DISC1: variants seen among roughly 807,000 people sequenced by gnomAD.
The protein encoded by DISC1 is disrupted in schizophrenia 1 protein.
In DISC1, 57 loss-of-function variants were observed where a neutral mutation model predicts 84.5. That is an observed-to-expected ratio of 0.67 (90% CI 0.55 to 0.84). The LOEUF is 0.84. Among genes scored for constraint, DISC1 ranks in the 40% least tolerant of loss-of-function variants. DISC1 has a pLI of 0.00. For missense variants in DISC1, 1,000 were observed against 1,057.8 expected (o/e 0.95, Z 0.76); for synonymous variants, 411 against 415.2 (o/e 0.99, Z 0.12).
intron 4 of DISC1, 122 bp downstream of exon 4, chr1:231,750,198 G>C: frequency 6.8e-7 from 1 of 1,463,586 alleles, no homozygotes; most frequent in Non-Finnish European, 9.0e-7. Context: ...CCTGGGAAGG[G>C]CCCTTTGTTG....
At chr1:231,659,835 G>A (rs1236176367) in intron 1 of DISC1, among the ~76,000 whole-genome samples, 1 of 152,210 alleles carries the variant, frequency 6.6e-6, no homozygotes, top group African/African-American at 2.4e-5. Flanking sequence ...GCTGTGGTCT[G>A]AGAGACTGTT....
intron 9 of DISC1, among the ~76,000 whole-genome samples, chr1:231,877,157 T>C (rs7522155): frequency 0.11 from 16,679 of 152,296 alleles, 1,107 homozygotes; most frequent in East Asian, 0.32. Flanking sequence ...CCATTTCTTA[T>C]CAAGAGCTCT....
chr1:231,721,144 G>T (rs2069625352), intron 3 of DISC1: 1 of 1,257,278 alleles, frequency 8.0e-7, no homozygotes, highest in African/African-American at 1.5e-5. Context: ...TACCTACCTT[G>T]CTGGGCTGAT....
At chr1:231,832,289 C>T (rs1379678297) in intron 9 of DISC1, among the ~76,000 whole-genome samples, 3 of 151,482 alleles carry the variant, frequency 2.0e-5, no homozygotes, top group South Asian at 4.2e-4. Flanking sequence ...CAGCGGCAGC[C>T]GCTGCACGCA....
rs144873983 is a variant in DISC1 at position 231,717,727 on chromosome 1, T to C, written c.1117+15703T>C. On this transcript the variant is annotated intron_variant, in intron 3 of 12. Coordinates refer to ENST00000439617, the MANE Select transcript of DISC1 (RefSeq NM_018662.3). ...CACCATTCAATAATTCTATGTGTTGTATGAACGCATCAGACAATTCCACAA... is the reference window on the plus strand; with the variant it reads ...CACCATTCAATAATTCTATGTGTTGCATGAACGCATCAGACAATTCCACAA... Among the ~76,000 whole-genome samples, 381 of 152,306 alleles carry C rather than the reference T, an allele frequency of 2.5e-3. 1 individual carries two copies. Among genetic ancestry groups the C allele is most frequent in the African/African-American group, 8.7e-3 (360 of 41,558 alleles).
chr1:232,030,037 A>T (rs1008762844), intron 12 of DISC1, among the ~76,000 whole-genome samples: 3 of 152,212 alleles, frequency 2.0e-5, no homozygotes, highest in Admixed American at 1.3e-4. Context: ...ACACAAACCC[A>T]TCAGCTACTG....
At chr1:232,001,015 A>G (rs1450286464) in intron 10 of DISC1, among the ~76,000 whole-genome samples, 1 of 152,218 alleles carries the variant, frequency 6.6e-6, no homozygotes, top group African/African-American at 2.4e-5. Flanking sequence ...CATGTGTTTT[A>G]TGTATTGTAT....
At chr1:232,033,605 G>T (rs1201822305) in intron 12 of DISC1, among the ~76,000 whole-genome samples, 1 of 152,174 alleles carries the variant, frequency 6.6e-6, no homozygotes, top group Non-Finnish European at 1.5e-5. Context: ...ATCTATGATG[G>T]CAGTGACTTT....
chr1:231,715,946 G>A (rs957730523), intron 3 of DISC1, among the ~76,000 whole-genome samples: 1 of 152,106 alleles, frequency 6.6e-6, no homozygotes, highest in Non-Finnish European at 1.5e-5. Flanking sequence ...GTGTGGCCAC[G>A]CAGCACACTT....
In DISC1 at chr1:231,750,011, TAGC is replaced by T; in HGVS notation, c.1206_1208del (p.Ser403del). 6.2e-7 allele frequency: 1 copy of T among 1,614,244 alleles called. No homozygotes were observed. Among genetic ancestry groups the T allele is most frequent in the East Asian group, 2.2e-5 (1 of 44,882 alleles). On this transcript the variant is annotated inframe_deletion, in exon 4 of 13. Coordinates refer to ENST00000439617, the MANE Select transcript of DISC1 (RefSeq NM_018662.3). ...AACTTCCTTCAAGGCAGCCAGCTCT[TAGC>T]AGTTTCCTGGGTCACCTGGCAGCAC...
At chr1:231,943,299 C>T (rs1439569389) in intron 9 of DISC1, among the ~76,000 whole-genome samples, 2 of 152,222 alleles carry the variant, frequency 1.3e-5, no homozygotes, top group Non-Finnish European at 2.9e-5. Context: ...GGCCACATGG[C>T]GATGCACCAG....
chr1:232,012,932 CT>C (rs1004704059), intron 11 of DISC1, among the ~76,000 whole-genome samples: 3 of 152,142 alleles, frequency 2.0e-5, no homozygotes, highest in African/African-American at 7.2e-5. Flanking sequence ...TGTAAGAGCC[CT>C]TTTCTTTTCC....
Position 231,790,500 on chromosome 1 carries a change from C to T in DISC1, c.1635-4742C>T, listed in dbSNP as rs540311028. ...TCTTCCCTCCACATGTGTCTGTCTC[C>T]GCATCTCTTCTTTTCTTTTCTTTTC... On this transcript the variant is annotated intron_variant, in intron 6 of 12. Coordinates refer to ENST00000439617, the MANE Select transcript of DISC1 (RefSeq NM_018662.3). Among the ~76,000 whole-genome samples, 23 of 151,888 alleles carry T rather than the reference C, an allele frequency of 1.5e-4. No individual in the cohort carries two copies. In the East Asian group the frequency reaches 2.5e-3, roughly 17 times the overall value.
intron 9 of DISC1, among the ~76,000 whole-genome samples, chr1:231,873,929 A>T (rs1476371203): frequency 1.3e-5 from 2 of 151,986 alleles, no homozygotes; most frequent in Non-Finnish European, 2.9e-5. Flanking sequence ...GCTCACTGCA[A>T]CCTCTGCCTC....
At chr1:232,000,358 G>A (rs192930672) in intron 10 of DISC1, among the ~76,000 whole-genome samples, 1 of 152,300 alleles carries the variant, frequency 6.6e-6, no homozygotes, top group African/African-American at 2.4e-5. Context: ...ATGGAGAATA[G>A]ATTCAGTGAA....
At chr1:231,693,403 G>A (rs2065277452) in intron 1 of DISC1, among the ~76,000 whole-genome samples, 1 of 152,192 alleles carries the variant, frequency 6.6e-6, no homozygotes, top group Admixed American at 6.5e-5. Flanking sequence ...AGAGTAAATA[G>A]TTGGATCTCA....
chr1:231,806,582 A>G (rs973863645), intron 8 of DISC1, among the ~76,000 whole-genome samples: 1 of 152,202 alleles, frequency 6.6e-6, no homozygotes, highest in Non-Finnish European at 1.5e-5. Flanking sequence ...CAAGGCCTGA[A>G]GCAGGTCTGA....
At chr1:231,922,507 A>G (rs1295354131) in intron 9 of DISC1, among the ~76,000 whole-genome samples, 1 of 152,210 alleles carries the variant, frequency 6.6e-6, no homozygotes, top group Non-Finnish European at 1.5e-5. Context: ...TCTGGCAAGC[A>G]GCAGAGCAGG....
intron 3 of DISC1, among the ~76,000 whole-genome samples, chr1:231,715,738 A>T (rs2068614790): frequency 6.6e-6 from 1 of 152,254 alleles, no homozygotes; most frequent in Non-Finnish European, 1.5e-5. Flanking sequence ...GATAGTCAGT[A>T]CTAAAAGCAC....
Sources: allele counts gnomAD v4.1 joint callset (sites outside exome capture counted in the v4.1 genomes callset), GRCh38; gene constraint gnomAD v4.1.1; transcripts MANE v1.5; gene names NCBI Gene and HGNC (gene_info 2026-07-23, HGNC 2026-07-21).